Variants in CDS2 observed in about 807,000 individuals in gnomAD.
The protein encoded by CDS2 is phosphatidate cytidylyltransferase 2.
In CDS2, 47 loss-of-function variants were observed where a neutral mutation model predicts 59.0. That is an observed-to-expected ratio of 0.80 (90% CI 0.63 to 1.02). The LOEUF (loss-of-function observed/expected upper bound fraction) is 1.02, where lower values mean the gene tolerates loss of function less well. CDS2 is among the 50% of genes least tolerant of loss of function. The pLI, the probability that CDS2 is intolerant of heterozygous loss-of-function variation, is 0.00. For synonymous variants in CDS2, 207 were observed against 206.4 expected (o/e 1.00, Z -0.02); for missense variants, 356 against 558.9 (o/e 0.64, Z 3.66).
At position 5,152,058 on chromosome 20, in the gene CDS2, C is replaced by T. The variant is rs1456078627; in HGVS notation, c.58-21465C>T. 3.3e-5 allele frequency among the ~76,000 whole-genome samples: 5 copies of T among 149,530 alleles called. No individual in the cohort carries two copies. The East Asian group carries it at 9.7e-4, about 29-fold the overall frequency. ...GGATTATAGGCGTGAGCCACTGCGC[C>T]TGGTCTGACTCCATGGCTTTTTAAA... On this transcript the variant is annotated intron_variant, in intron 1 of 12. Coordinates refer to ENST00000460006, the MANE Select transcript of CDS2 (RefSeq NM_003818.4).
At chr20:5,135,643 G>A (rs1381358794) in intron 1 of CDS2, among the ~76,000 whole-genome samples, 1 of 152,064 alleles carries the variant, frequency 6.6e-6, no homozygotes, top group Non-Finnish European at 1.5e-5. Context: ...CCCCACGTAT[G>A]GTCCCCACCG....
At chr20:5,145,577 A>G (rs1433335055) in intron 1 of CDS2, among the ~76,000 whole-genome samples, 1 of 152,096 alleles carries the variant, frequency 6.6e-6, no homozygotes, top group African/African-American at 2.4e-5. Context: ...TTCCTGAAGT[A>G]CACTCTTGGC....
chr20:5,139,091 C>T (rs771800360), intron 1 of CDS2, among the ~76,000 whole-genome samples: 3 of 152,170 alleles, frequency 2.0e-5, no homozygotes, highest in Non-Finnish European at 4.4e-5. Flanking sequence ...CCTGTAATCC[C>T]AGCACTTTGG....
At chr20:5,171,470 A>G (rs2090955718) in intron 1 of CDS2, among the ~76,000 whole-genome samples, 1 of 152,336 alleles carries the variant, frequency 6.6e-6, no homozygotes, top group African/African-American at 2.4e-5. Flanking sequence ...CCGAGGTTTT[A>G]GAGGTCAAAG....
chr20:5,132,895 G>C (rs138604533), intron 1 of CDS2, among the ~76,000 whole-genome samples: 1 of 152,004 alleles, frequency 6.6e-6, no homozygotes, highest in South Asian at 2.1e-4. Flanking sequence ...TTTATCGGCC[G>C]GGCGCGGTGG....
intron 1 of CDS2, among the ~76,000 whole-genome samples, chr20:5,145,761 A>C (rs2090736970): frequency 6.6e-6 from 1 of 151,312 alleles, no homozygotes; most frequent in Non-Finnish European, 1.5e-5. Flanking sequence ...TGGGGCCCAA[A>C]GCATGGGCTT....
intron 1 of CDS2, among the ~76,000 whole-genome samples, chr20:5,161,631 G>C (rs1471847622): frequency 6.6e-6 from 1 of 152,188 alleles, no homozygotes; most frequent in African/African-American, 2.4e-5. Flanking sequence ...GGTGTTTATA[G>C]TAGTCTTGTT....
chr20:5,164,214 G>T (rs187788889), intron 1 of CDS2, among the ~76,000 whole-genome samples: 4 of 152,214 alleles, frequency 2.6e-5, no homozygotes, highest in Admixed American at 2.6e-4. Flanking sequence ...ATTGGTACTT[G>T]ATTCCATGAT....
rs1319409177 is a variant in CDS2 at position 5,193,944 on chromosome 20, G to A, written c.*3710G>A. ...ACACTGTGATTATGTGCTAAGAAAA[G>A]GGTGGAGTTGGGAGGACAATTTCAC... is the stretch of plus-strand genomic sequence containing the variant. On this transcript the variant is annotated 3_prime_UTR_variant, in exon 13 of 13. Transcript: ENST00000460006. 1 of 152,238 alleles carries A rather than the reference G, an allele frequency of 6.6e-6. No homozygotes were observed. Among genetic ancestry groups the A allele is most frequent in the African/African-American group, 2.4e-5 (1 of 41,458 alleles). The allele number at this position is 152,238 out of a possible 1,614,324, so 9.4% of individuals were successfully genotyped here. A position where few individuals can be genotyped will look rare whatever the true frequency, so the allele number is the denominator to read the frequency against.
intron 1 of CDS2, among the ~76,000 whole-genome samples, chr20:5,161,904 C>T (rs1299073806): frequency 6.6e-6 from 1 of 152,170 alleles, no homozygotes; most frequent in African/African-American, 2.4e-5. Context: ...CAGACCATGC[C>T]TGTGTTAATA....
chr20:5,150,996 T>C (rs974174461), intron 1 of CDS2, among the ~76,000 whole-genome samples: 1 of 152,238 alleles, frequency 6.6e-6, no homozygotes, highest in African/African-American at 2.4e-5. Flanking sequence ...TGGTCAGACC[T>C]GGCTGTTCCT....
intron 1 of CDS2, among the ~76,000 whole-genome samples, chr20:5,134,581 C>T (rs959310476): frequency 7.2e-5 from 11 of 152,050 alleles, no homozygotes; most frequent in Admixed American, 1.3e-4. Flanking sequence ...AGTCCAATGG[C>T]GTGATCTCAG....
chr20:5,162,673 A>G (rs989523519), intron 1 of CDS2, among the ~76,000 whole-genome samples: 1 of 152,154 alleles, frequency 6.6e-6, no homozygotes, highest in African/African-American at 2.4e-5. Flanking sequence ...AATTAAAGCC[A>G]AGGGGCTGGA....
intron 1 of CDS2, among the ~76,000 whole-genome samples, chr20:5,138,617 C>T (rs760253703): frequency 6.6e-6 from 1 of 151,646 alleles, no homozygotes; most frequent in Non-Finnish European, 1.5e-5. Context: ...TCCCAAGTAA[C>T]TGGGATTACA....
intron 1 of CDS2, among the ~76,000 whole-genome samples, chr20:5,169,667 G>A (rs2090940514): frequency 6.6e-6 from 1 of 152,184 alleles, no homozygotes; most frequent in Non-Finnish European, 1.5e-5. Context: ...CCATTACAAA[G>A]CATACATGGG....
intron 7 of CDS2, among the ~76,000 whole-genome samples, chr20:5,183,414 G>A (rs1373079635): frequency 1.3e-5 from 2 of 152,188 alleles, no homozygotes; most frequent in Non-Finnish European, 2.9e-5. Flanking sequence ...AGACTAATAG[G>A]TACAGGAATA....
intron 1 of CDS2, among the ~76,000 whole-genome samples, chr20:5,138,738 A>AG (rs1233546802): frequency 2.0e-5 from 3 of 151,886 alleles, no homozygotes; most frequent in African/African-American, 7.2e-5. Context: ...CACATGCCTT[A>AG]GCCTCCCAAA....
intron 1 of CDS2, among the ~76,000 whole-genome samples, chr20:5,169,359 T>C (rs867219785): frequency 2.0e-5 from 3 of 152,232 alleles, no homozygotes; most frequent in Non-Finnish European, 4.4e-5. Context: ...TGGATGCTGG[T>C]CTGGTCCTGC....
chr20:5,130,137 T>C (rs924387666), intron 1 of CDS2, among the ~76,000 whole-genome samples: 2 of 152,086 alleles, frequency 1.3e-5, no homozygotes, highest in African/African-American at 4.8e-5. Flanking sequence ...CACGACTGGC[T>C]AATTTTTTTG....
Sources: gnomAD v4.1 joint callset for allele counts (sites outside exome capture counted in the v4.1 genomes callset) on GRCh38, gnomAD v4.1.1 for gene constraint, MANE v1.5 for transcripts, NCBI Gene and HGNC (gene_info 2026-07-23, HGNC 2026-07-21) for gene names.